PTPRD: variants seen among roughly 807,000 people sequenced by gnomAD.
PTPRD encodes the protein protein tyrosine phosphatase receptor type D, also known as receptor-type tyrosine-protein phosphatase delta.
In PTPRD, 34 loss-of-function variants were observed where a neutral mutation model predicts 214.5. The observed-to-expected ratio is 0.16, with a 90% confidence interval of 0.12 to 0.21. PTPRD has a LOEUF of 0.21. Ranked by LOEUF, PTPRD falls within the 10% of genes least tolerant of loss-of-function variation. PTPRD has a pLI of 1.00. For synonymous variants in PTPRD, 1,128 were observed against 845.7 expected (o/e 1.33, Z -5.79); for missense variants, 2,545 against 2,398.7 (o/e 1.06, Z -1.27).
At chr9:8,411,551 G>T (rs1345097272) in intron 35 of PTPRD, among the ~76,000 whole-genome samples, 1 of 152,120 alleles carries the variant, frequency 6.6e-6, no homozygotes, top group African/African-American at 2.4e-5. Context: ...TGATCCACCT[G>T]CCTTGGCTTC....
At chr9:8,564,721 T>C (rs1476157848) in intron 14 of PTPRD, among the ~76,000 whole-genome samples, 1 of 152,072 alleles carries the variant, frequency 6.6e-6, no homozygotes, top group African/African-American at 2.4e-5. Context: ...AAAGTTGACA[T>C]TCACAATCAA....
intron 7 of PTPRD, among the ~76,000 whole-genome samples, chr9:9,706,370 C>T (rs2097607232): frequency 6.6e-6 from 1 of 151,926 alleles, no homozygotes; most frequent in African/African-American, 2.4e-5. Context: ...TATTATCAGA[C>T]ACCAAAATAA....
intron 14 of PTPRD, among the ~76,000 whole-genome samples, chr9:8,538,275 T>C (rs937059166): frequency 1.3e-5 from 2 of 152,024 alleles, no homozygotes; most frequent in South Asian, 2.1e-4. Flanking sequence ...ATTTAAATCA[T>C]AAAATGAATT....
At chr9:9,332,133 G>A (rs954765667) in intron 9 of PTPRD, among the ~76,000 whole-genome samples, 1 of 152,038 alleles carries the variant, frequency 6.6e-6, no homozygotes, top group Non-Finnish European at 1.5e-5. Flanking sequence ...ATGATTTCAT[G>A]CTAAAAATAC....
intron 7 of PTPRD, among the ~76,000 whole-genome samples, chr9:9,697,428 G>A (rs181459456): frequency 6.6e-6 from 1 of 152,154 alleles, no homozygotes; most frequent in African/African-American, 2.4e-5. Context: ...CTTCATGTTT[G>A]AAGAATAGCT....
intron 6 of PTPRD, among the ~76,000 whole-genome samples, chr9:9,762,760 T>C (rs1174579): frequency 0.19 from 28,912 of 152,240 alleles, 4,338 homozygotes; most frequent in African/African-American, 0.39. Flanking sequence ...TATCAAGATG[T>C]GAAGACACTT....
chr9:8,426,390 C>A (rs1273744415), intron 35 of PTPRD, among the ~76,000 whole-genome samples: 1 of 152,200 alleles, frequency 6.6e-6, no homozygotes, highest in African/African-American at 2.4e-5. Flanking sequence ...TAAGTACACA[C>A]TTAGCATTCC....
At chr9:10,482,805 T>C (rs1379795463) in intron 2 of PTPRD, among the ~76,000 whole-genome samples, 1 of 152,046 alleles carries the variant, frequency 6.6e-6, no homozygotes, top group African/African-American at 2.4e-5. Flanking sequence ...CTGAAAGAAA[T>C]CACAGATGAC....
chr9:8,934,451 T>A (rs13299608), intron 11 of PTPRD, among the ~76,000 whole-genome samples: 2,058 of 13,454 alleles, frequency 0.15, 161 homozygotes, highest in African/African-American at 0.26. Flanking sequence ...ATATATAAAT[T>A]TATATATATA....
chr9:8,849,840 G>C (rs141352139), intron 11 of PTPRD, among the ~76,000 whole-genome samples: 1 of 152,286 alleles, frequency 6.6e-6, no homozygotes, highest in African/African-American at 2.4e-5. Flanking sequence ...ACTTGATCAA[G>C]TAGACTTGAG....
At chr9:9,485,101 T>C (rs1330592415) in intron 8 of PTPRD, among the ~76,000 whole-genome samples, 3 of 152,216 alleles carry the variant, frequency 2.0e-5, no homozygotes, top group Non-Finnish European at 4.4e-5. Flanking sequence ...TCAATGGATG[T>C]TCAAATGTGT....
intron 7 of PTPRD, among the ~76,000 whole-genome samples, chr9:9,601,743 G>T (rs1490049587): frequency 6.6e-6 from 1 of 152,028 alleles, no homozygotes; most frequent in Non-Finnish European, 1.5e-5. Flanking sequence ...AAAAGGTTAA[G>T]ATCATTGTTC....
chr9:8,736,112 T>G (rs2154438553), intron 11 of PTPRD, among the ~76,000 whole-genome samples: 1 of 152,256 alleles, frequency 6.6e-6, no homozygotes, highest in African/African-American at 2.4e-5. Flanking sequence ...AGAATGCTAT[T>G]AGGCCACAGC....
chr9:10,289,517 A>G (rs957927569), intron 3 of PTPRD, among the ~76,000 whole-genome samples: 6 of 152,162 alleles, frequency 3.9e-5, no homozygotes, highest in Admixed American at 2.0e-4. Flanking sequence ...TTGTCTTGAA[A>G]TCTGAAAGAT....
intron 5 of PTPRD, among the ~76,000 whole-genome samples, chr9:9,827,676 G>C (rs1246857197): frequency 6.6e-6 from 1 of 152,102 alleles, no homozygotes; most frequent in Non-Finnish European, 1.5e-5. Flanking sequence ...TTAAACTAAA[G>C]AGCTTCTGCA....
intron 39 of PTPRD, among the ~76,000 whole-genome samples, chr9:8,368,899 T>A (rs916972638): frequency 3.9e-5 from 6 of 152,116 alleles, no homozygotes; most frequent in Non-Finnish European, 7.4e-5. Context: ...TATTTTTCCT[T>A]ACCTTAAAAT....
chr9:9,275,174 A>T (rs1289845475), intron 9 of PTPRD, among the ~76,000 whole-genome samples: 11 of 28,948 alleles, frequency 3.8e-4, no homozygotes, highest in Admixed American at 2.0e-3. Context: ...ACATATATAT[A>T]ATATATATGT....
intron 21 of PTPRD, among the ~76,000 whole-genome samples, chr9:8,512,008 A>G (rs756832678): frequency 5.9e-5 from 9 of 152,168 alleles, no homozygotes; most frequent in Admixed American, 2.0e-4. Context: ...TGTAGAGATT[A>G]TCTCTAAAGA....
chr9:9,775,075 G>C (rs1389183334), intron 5 of PTPRD, among the ~76,000 whole-genome samples: 2 of 152,170 alleles, frequency 1.3e-5, no homozygotes, highest in Non-Finnish European at 2.9e-5. Flanking sequence ...CTAAACTTGA[G>C]CACCAGTTTG....
Sources: gnomAD v4.1 joint callset for allele counts (sites outside exome capture counted in the v4.1 genomes callset) on GRCh38, gnomAD v4.1.1 for gene constraint, MANE v1.5 for transcripts, NCBI Gene and HGNC (gene_info 2026-07-23, HGNC 2026-07-21) for gene names.